The following DLGAP1 variants were observed in gnomAD, a reference collection of about 807,000 sequenced individuals.
DLGAP1 encodes disks large-associated protein 1.
Under a neutral mutation model 90.8 loss-of-function variants are expected in DLGAP1, and 11 were observed. The observed-to-expected ratio is 0.12, with a 90% CI of 0.08 to 0.20. DLGAP1 has a LOEUF of 0.20. Ranked by LOEUF, DLGAP1 falls within the 10% of genes least tolerant of loss-of-function variation. The probability of loss-of-function intolerance (pLI) is 1.00; values close to 1 mark genes in which losing one functional copy is unlikely to be tolerated. For synonymous variants in DLGAP1, 558 were observed against 540.7 expected (o/e 1.03, Z -0.44); for missense variants, 1,050 against 1,333.8 (o/e 0.79, Z 3.31).
chr18:4,435,191 T>A (rs1466120159), intron 1 of DLGAP1, among the ~76,000 whole-genome samples: 1 of 152,134 alleles, frequency 6.6e-6, no homozygotes, highest in East Asian at 1.9e-4. Flanking sequence ...GGAAAAGAGA[T>A]GATGCAGGTA....
chr18:4,350,810 T>G (rs1162159954), intron 1 of DLGAP1, among the ~76,000 whole-genome samples: 1 of 152,178 alleles, frequency 6.6e-6, no homozygotes, highest in Non-Finnish European at 1.5e-5. Flanking sequence ...CTTCTGCCAT[T>G]ACCAATTTTT....
chr18:3,973,949 A>G (rs2073511570), intron 3 of DLGAP1, among the ~76,000 whole-genome samples: 1 of 152,212 alleles, frequency 6.6e-6, no homozygotes, highest in Non-Finnish European at 1.5e-5. Context: ...GCTAGAGCCC[A>G]TCGCTCCTAG....
At chr18:4,408,213 G>T (rs543707627) in intron 1 of DLGAP1, among the ~76,000 whole-genome samples, 2 of 152,228 alleles carry the variant, frequency 1.3e-5, no homozygotes, top group Non-Finnish European at 2.9e-5. Context: ...CAAAAGGGTC[G>T]ATATTTATCA....
intron 1 of DLGAP1, among the ~76,000 whole-genome samples, chr18:4,442,120 T>C (rs575462054): frequency 6.6e-6 from 1 of 152,302 alleles, no homozygotes; most frequent in African/African-American, 2.4e-5. Context: ...GTCTCCCAAG[T>C]AGCTGGGATT....
chr18:4,186,716 C>T (rs1207727202), intron 1 of DLGAP1, among the ~76,000 whole-genome samples: 2 of 152,058 alleles, frequency 1.3e-5, no homozygotes, highest in African/African-American at 4.8e-5. Context: ...TGTGATGCGT[C>T]CAGCTTTGTT....
intron 2 of DLGAP1, among the ~76,000 whole-genome samples, chr18:4,027,643 C>A (rs1460618435): frequency 6.6e-6 from 1 of 151,764 alleles, no homozygotes; most frequent in African/African-American, 2.4e-5. Flanking sequence ...CCCTCATACT[C>A]CTTCTCTTCT....
chr18:4,086,327 T>C (rs1429439531), intron 2 of DLGAP1, among the ~76,000 whole-genome samples: 1 of 152,162 alleles, frequency 6.6e-6, no homozygotes, highest in African/African-American at 2.4e-5. Context: ...AATAACAAAG[T>C]ATGAAAAAAA....
chr18:3,824,274 T>A lies in DLGAP1; in HGVS notation c.958-10001A>T, dbSNP rs1013703443. Among the ~76,000 whole-genome samples the A allele has an allele frequency of 2.6e-5, 4 of 152,160 alleles. No homozygotes were observed. The South Asian group carries it at 8.3e-4, about 31-fold the overall frequency. On this transcript the variant is annotated intron_variant, in intron 4 of 12. Coordinates refer to ENST00000315677, the MANE Select transcript of DLGAP1 (RefSeq NM_004746.4). The stretch of plus-strand genomic sequence containing the variant: ...TGTGTCTGGTGTTCAGAAGCAGAGA[T>A]GTGGGTAGAAGATTAGTGACCTTCC...
At chr18:3,957,042 A>G (rs1672309547) in intron 3 of DLGAP1, among the ~76,000 whole-genome samples, 1 of 152,244 alleles carries the variant, frequency 6.6e-6, no homozygotes, top group Non-Finnish European at 1.5e-5. Context: ...TCTAATCCCC[A>G]GGACCTGTGA....
chr18:3,570,070 G>A (rs2054676811), intron 8 of DLGAP1, among the ~76,000 whole-genome samples: 1 of 151,908 alleles, frequency 6.6e-6, no homozygotes, highest in Non-Finnish European at 1.5e-5. Context: ...TAGCCTAGGA[G>A]CAATGGGCCA....
chr18:3,507,236 A>G (rs1445393452), intron 11 of DLGAP1, among the ~76,000 whole-genome samples: 1 of 152,196 alleles, frequency 6.6e-6, no homozygotes, highest in African/African-American at 2.4e-5. Context: ...CTGTAATACC[A>G]GCACTTTGGG....
At chr18:3,931,570 AATTC>A (rs1483562918) in intron 3 of DLGAP1, among the ~76,000 whole-genome samples, 1 of 152,132 alleles carries the variant, frequency 6.6e-6, no homozygotes, top group Admixed American at 6.5e-5. Flanking sequence ...GTAATTAATT[AATTC>A]ATTAATTATG....
chr18:3,858,516 GTA>G (rs750830693), intron 4 of DLGAP1, among the ~76,000 whole-genome samples: 9 of 142,856 alleles, frequency 6.3e-5, no homozygotes, highest in Admixed American at 2.8e-4. Flanking sequence ...ATATATACAC[GTA>G]TATATATATG....
chr18:3,973,290 CAAAAAAAA>C (rs3031700), intron 3 of DLGAP1, among the ~76,000 whole-genome samples: 2 of 134,858 alleles, frequency 1.5e-5, no homozygotes, highest in Non-Finnish European at 3.1e-5. Context: ...TAGCCATAGC[CAAAAAAAA>C]AAAAAAAAAA....
chr18:3,513,727 A>G lies in DLGAP1; in HGVS notation c.2480-5066T>C, dbSNP rs573035089. On this transcript the variant is annotated intron_variant, in intron 10 of 12. Transcript: ENST00000315677. ...TATGTGTCATAATGAGAAGCAGAGA[A>G]CAACTATGTTGGCTGTGGGAAAGGG... Among the ~76,000 whole-genome samples the G allele has an allele frequency of 7.2e-5, 11 of 152,328 alleles. No individual in the cohort carries two copies. The East Asian group carries it at 1.7e-3, about 24-fold the overall frequency.
rs1202202804 is a variant in DLGAP1 at position 3,775,778 on chromosome 18, T to A, written c.1173-33266A>T. 3.3e-5 allele frequency among the ~76,000 whole-genome samples: 5 copies of A among 152,198 alleles called. No homozygotes were observed. Among genetic ancestry groups the A allele is most frequent in the African/African-American group, 9.6e-5 (4 of 41,452 alleles). On this transcript the variant is annotated intron_variant, in intron 5 of 12. Transcript: ENST00000315677. This position sits in a 1 kb window ranked among gnomAD's most constrained non-coding sequence, Gnocchi z 4.9. Reference sequence around the variant, plus strand: ...AATTGTCACAAAGTGAACATGCCCATGGAATCAACTTTCAGTCCAGAAAGT... The same window carrying A: ...AATTGTCACAAAGTGAACATGCCCAAGGAATCAACTTTCAGTCCAGAAAGT...
chr18:3,684,659 G>A (rs947258128), intron 7 of DLGAP1, among the ~76,000 whole-genome samples: 13 of 152,240 alleles, frequency 8.5e-5, no homozygotes, highest in Admixed American at 7.9e-4. Context: ...AAAAGACAAC[G>A]GGGTTGGGGC....
intron 1 of DLGAP1, among the ~76,000 whole-genome samples, chr18:4,336,053 A>T (rs1375052854): frequency 6.6e-6 from 1 of 152,246 alleles, no homozygotes; most frequent in Non-Finnish European, 1.5e-5. Context: ...AGCAAAATGC[A>T]CTATCAATGC....
At chr18:3,657,369 C>T (rs1321659479) in intron 7 of DLGAP1, among the ~76,000 whole-genome samples, 1 of 108,806 alleles carries the variant, frequency 9.2e-6, no homozygotes, top group Non-Finnish European at 1.6e-5. Flanking sequence ...TCTGGAAAAG[C>T]TGCTTTTAAG....
Sources: allele counts gnomAD v4.1 joint callset (sites outside exome capture counted in the v4.1 genomes callset), GRCh38; gene constraint gnomAD v4.1.1; non-coding constraint Gnocchi (gnomAD v3.1); transcripts MANE v1.5; gene names NCBI Gene and HGNC (gene_info 2026-07-23, HGNC 2026-07-21).